The following LGSN variants were observed in gnomAD, a reference collection of about 807,000 sequenced individuals.
LGSN encodes lengsin.
LGSN carries 21 observed loss-of-function variants against 19.5 expected under a neutral mutation model. That is an observed-to-expected ratio of 1.07 (90% CI 0.76 to 1.55). The LOEUF is 1.55. Ranked by LOEUF, LGSN falls within the 40% of genes most tolerant of loss-of-function variation. The pLI is 0.00. For missense variants in LGSN, 673 were observed against 608.5 expected (o/e 1.11, Z -1.12); for synonymous variants, 257 against 215.6 (o/e 1.19, Z -1.68).
chr6:63,482,968 C>T, the LGSN span, among the ~76,000 whole-genome samples: 54 of 152,198 alleles, frequency 3.5e-4, no homozygotes, highest in African/African-American at 1.2e-3. Context: ...CCCAAAGTGC[C>T]GGGATTACAG....
At chr6:63,320,632 G>T (rs184183799), upstream of LGSN, among the ~76,000 whole-genome samples, 1 of 152,284 alleles carries the variant, frequency 6.6e-6, no homozygotes, top group Admixed American at 6.5e-5. Context: ...ACTCAGTAGA[G>T]GAAATAGGGA....
chr6:63,550,397 G>C, the LGSN span: 2 of 152,084 alleles, frequency 1.3e-5, no homozygotes, highest in Admixed American at 1.3e-4. Context: ...AAAGGTTGAA[G>C]CGTTCTTCAG....
At chr6:63,423,964 T>C in the LGSN span, among the ~76,000 whole-genome samples, 1 of 151,994 alleles carries the variant, frequency 6.6e-6, no homozygotes, top group South Asian at 2.1e-4. Flanking sequence ...CACTTGAACC[T>C]GGGAGGCGGA....
chr6:63,514,628 C>G, the LGSN span, among the ~76,000 whole-genome samples: 8 of 152,350 alleles, frequency 5.3e-5, no homozygotes, highest in South Asian at 2.1e-4. Context: ...ACCCTCAAAT[C>G]ATTAAACCTT....
chr6:63,330,377 T>C, the LGSN span, among the ~76,000 whole-genome samples: 1 of 152,186 alleles, frequency 6.6e-6, no homozygotes, highest in Non-Finnish European at 1.5e-5. Context: ...TGGTCCCTAT[T>C]ATAGAACACT....
the LGSN span, among the ~76,000 whole-genome samples, chr6:63,561,310 G>T: frequency 2.6e-5 from 4 of 152,030 alleles, no homozygotes; most frequent in Non-Finnish European, 4.4e-5. Flanking sequence ...ATTTATGAAA[G>T]GTTTAATATA....
chr6:63,417,655 T>C, the LGSN span, among the ~76,000 whole-genome samples: 1 of 152,184 alleles, frequency 6.6e-6, no homozygotes, highest in Non-Finnish European at 1.5e-5. Flanking sequence ...TACACCAAGA[T>C]TGCTTTAAAA....
At chr6:63,549,468 G>A in the LGSN span, 65 of 794,506 alleles carry the variant, frequency 8.2e-5, no homozygotes, top group South Asian at 7.1e-4. Flanking sequence ...CAGCAGGGCC[G>A]GAGCCACCTT....
chr6:63,286,561 A>G (rs532937781), intron 2 of LGSN, among the ~76,000 whole-genome samples: 2 of 152,344 alleles, frequency 1.3e-5, no homozygotes, highest in South Asian at 4.1e-4. Context: ...AAACCGCACC[A>G]TCAGTCCACT....
the LGSN span, among the ~76,000 whole-genome samples, chr6:63,555,716 C>T: frequency 6.6e-5 from 9 of 135,590 alleles, no homozygotes; most frequent in Admixed American, 5.5e-4. Flanking sequence ...TTTTTTGAGA[C>T]GGAGTCTCGC....
chr6:63,484,983 G>A, the LGSN span, among the ~76,000 whole-genome samples: 4 of 151,998 alleles, frequency 2.6e-5, no homozygotes, highest in South Asian at 8.3e-4. Context: ...TTTATTCTAT[G>A]CATTTTATCC....
chr6:63,494,878 G>A, the LGSN span, among the ~76,000 whole-genome samples: 4 of 152,140 alleles, frequency 2.6e-5, no homozygotes, highest in African/African-American at 9.7e-5. Flanking sequence ...AATATCAGTA[G>A]AACAATGTTC....
chr6:63,459,021 C>G, the LGSN span, among the ~76,000 whole-genome samples: 1 of 152,310 alleles, frequency 6.6e-6, no homozygotes, highest in Non-Finnish European at 1.5e-5. Context: ...GCAAGTTGCT[C>G]TCAGACTAAG....
the LGSN span, among the ~76,000 whole-genome samples, chr6:63,341,391 C>A: frequency 6.6e-6 from 1 of 152,310 alleles, no homozygotes; most frequent in African/African-American, 2.4e-5. Flanking sequence ...CCTGTCCTTA[C>A]GCTCCCAAAC....
chr6:63,535,219 T>G, the LGSN span, among the ~76,000 whole-genome samples: 1 of 152,018 alleles, frequency 6.6e-6, no homozygotes, highest in African/African-American at 2.4e-5. Flanking sequence ...AATTCCAGCA[T>G]TTTGGGAGGC....
At chr6:63,525,380 G>A in the LGSN span, among the ~76,000 whole-genome samples, 17 of 152,164 alleles carry the variant, frequency 1.1e-4, no homozygotes, top group African/African-American at 3.9e-4. Context: ...GAGAACAGAC[G>A]GGAGGAAGGA....
the LGSN span, among the ~76,000 whole-genome samples, chr6:63,572,873 CCTGTGGCCGGCCGA>C: frequency 3.3e-5 from 5 of 152,090 alleles, no homozygotes; most frequent in South Asian, 1.0e-3. Context: ...GGGTTATGGC[CCTGTGGCCGGCCGA>C]TTGCGGCCGG....
At chr6:63,439,044 A>G in the LGSN span, among the ~76,000 whole-genome samples, 1 of 152,224 alleles carries the variant, frequency 6.6e-6, no homozygotes, top group African/African-American at 2.4e-5. Context: ...ATGAGTTCAT[A>G]TCCTTTGTAG....
the LGSN span, among the ~76,000 whole-genome samples, chr6:63,428,349 A>T: frequency 1.3e-5 from 2 of 151,870 alleles, no homozygotes; most frequent in Non-Finnish European, 2.9e-5. Flanking sequence ...ATAATTATTT[A>T]TTATTTATTT....
Sources: allele counts gnomAD v4.1 joint callset (sites outside exome capture counted in the v4.1 genomes callset), GRCh38; gene constraint gnomAD v4.1.1; transcripts MANE v1.5; gene names NCBI Gene and HGNC (gene_info 2026-07-23, HGNC 2026-07-21).